Variants in SGCZ observed in about 807,000 individuals in gnomAD.
The protein encoded by SGCZ is zeta-sarcoglycan.
SGCZ carries 40 observed loss-of-function variants against 41.3 expected under a neutral mutation model. The ratio of observed to expected loss-of-function variants is 0.97; its 90% confidence interval spans 0.75 to 1.26. The LOEUF (loss-of-function observed/expected upper bound fraction) is 1.26. SGCZ is among the 50% of genes most tolerant of loss of function. The pLI, the probability that SGCZ is intolerant of heterozygous loss-of-function variation, is 0.00. For synonymous variants in SGCZ, 206 were observed against 137.5 expected, an observed-to-expected ratio of 1.50 and a Z score of -3.49; for missense variants, 552 against 369.8, an observed-to-expected ratio of 1.49 and a Z score of -4.04.
At chr8:14,232,833 G>A (rs368930221) in intron 4 of SGCZ, among the ~76,000 whole-genome samples, 16 of 152,004 alleles carry the variant, frequency 1.1e-4, no homozygotes, top group East Asian at 7.7e-4. Context: ...GGATACCTAT[G>A]ATGAAATACA....
At chr8:14,486,579 TGC>T (rs1801681444) in intron 2 of SGCZ, among the ~76,000 whole-genome samples, 1 of 152,212 alleles carries the variant, frequency 6.6e-6, no homozygotes, top group Non-Finnish European at 1.5e-5. Context: ...TGTGTGTGTG[TGC>T]GCGCGCGTGC....
At chr8:14,306,735 G>A (rs948019289) in intron 3 of SGCZ, among the ~76,000 whole-genome samples, 2 of 152,142 alleles carry the variant, frequency 1.3e-5, no homozygotes, top group Admixed American at 6.6e-5. Flanking sequence ...TGCATTATTT[G>A]TGGTCAATTT....
rs183863578 is a variant in SGCZ, at chr8:14,666,629, T to C, written c.40-111703A>G. Among the ~76,000 whole-genome samples the C allele has an allele frequency of 1.9e-3, 289 of 151,552 alleles. 1 individual carries two copies. The highest frequency in any genetic ancestry group is 6.9e-3 in the African/African-American group (284 of 41,314). On this transcript the variant is annotated intron_variant, in intron 1 of 7. Coordinates refer to ENST00000382080, the MANE Select transcript of SGCZ (RefSeq NM_139167.4). ...TGGAACTGAGAAGGAGAGCACAAGT[T>C]ATTTTCTCAGTACCCTAATAGAGAG...
At chr8:14,484,614 T>C (rs1801624014) in intron 2 of SGCZ, among the ~76,000 whole-genome samples, 1 of 152,166 alleles carries the variant, frequency 6.6e-6, no homozygotes, top group Non-Finnish European at 1.5e-5. Context: ...TGTTCCGTTT[T>C]TGCTGTGGTT....
At chr8:14,197,711 A>G (rs973015499) in intron 4 of SGCZ, among the ~76,000 whole-genome samples, 1 of 152,108 alleles carries the variant, frequency 6.6e-6, no homozygotes, top group Non-Finnish European at 1.5e-5. Context: ...ATCATATTTA[A>G]TATTCAAAAC....
intron 1 of SGCZ, among the ~76,000 whole-genome samples, chr8:15,056,684 A>T (rs1360317542): frequency 6.6e-6 from 1 of 152,186 alleles, no homozygotes; most frequent in African/African-American, 2.4e-5. Flanking sequence ...AGCTGGCTAA[A>T]GGAGATTTTG....
chr8:14,891,329 A>G (rs1186407573), intron 1 of SGCZ, among the ~76,000 whole-genome samples: 2 of 152,222 alleles, frequency 1.3e-5, no homozygotes, highest in African/African-American at 4.8e-5. Flanking sequence ...AAACATTAAC[A>G]GAAGTTTGAA....
chr8:15,095,138 GC>G (rs1806295376), intron 1 of SGCZ, among the ~76,000 whole-genome samples: 1 of 152,060 alleles, frequency 6.6e-6, no homozygotes, highest in Admixed American at 6.6e-5. Context: ...CACTCTTGTT[GC>G]CCAGGCTGGA....
chr8:14,693,385 A>G lies in SGCZ; in HGVS notation c.40-138459T>C, dbSNP rs551802742. On this transcript the variant is annotated intron_variant, in intron 1 of 7. Coordinates refer to ENST00000382080, the MANE Select transcript of SGCZ (RefSeq NM_139167.4). ...CGGCTCACTGCAACCTCTGTCTCCT[A>G]GGTTCAAGCGATTCTCCTGCCTTAG... Among the ~76,000 whole-genome samples, 3 of 150,152 alleles carry G rather than the reference A, an allele frequency of 2.0e-5. No homozygotes were observed. The East Asian group carries it at 6.0e-4, about 30-fold the overall frequency.
At chr8:14,271,154 A>C (rs1800045604) in intron 3 of SGCZ, among the ~76,000 whole-genome samples, 1 of 152,150 alleles carries the variant, frequency 6.6e-6, no homozygotes, top group African/African-American at 2.4e-5. Context: ...ATATGTAACT[A>C]ACCTGCACGT....
intron 2 of SGCZ, among the ~76,000 whole-genome samples, chr8:14,547,384 G>A (rs1030903693): frequency 1.3e-5 from 2 of 152,044 alleles, no homozygotes; most frequent in Admixed American, 6.6e-5. Context: ...TAACAATGAT[G>A]GTTGACAGCT....
At chr8:15,172,050 C>T (rs980290583) in intron 1 of SGCZ, among the ~76,000 whole-genome samples, 1 of 151,254 alleles carries the variant, frequency 6.6e-6, no homozygotes, top group Non-Finnish European at 1.5e-5. Flanking sequence ...GTGAAAAATG[C>T]CAATTTCTAC....
At chr8:14,863,211 G>T (rs1450606067) in intron 1 of SGCZ, among the ~76,000 whole-genome samples, 1 of 152,138 alleles carries the variant, frequency 6.6e-6, no homozygotes, top group African/African-American at 2.4e-5. Context: ...GCAGCTGTCC[G>T]TACTGATAGC....
intron 1 of SGCZ, among the ~76,000 whole-genome samples, chr8:14,765,405 C>T (rs933107387): frequency 1.3e-5 from 2 of 152,160 alleles, no homozygotes; most frequent in Non-Finnish European, 2.9e-5. Flanking sequence ...CTTATTTTCT[C>T]ATATGCTATA....
At chr8:14,770,261 C>A (rs1292571039) in intron 1 of SGCZ, among the ~76,000 whole-genome samples, 1 of 151,446 alleles carries the variant, frequency 6.6e-6, no homozygotes, top group African/African-American at 2.4e-5. Context: ...ACTAGTAGTG[C>A]CAAGACAGAC....
chr8:14,367,736 C>G (rs1367309895), intron 2 of SGCZ, among the ~76,000 whole-genome samples: 1 of 152,078 alleles, frequency 6.6e-6, no homozygotes, highest in African/African-American at 2.4e-5. Context: ...AAACCACCCC[C>G]ATAAACCAGT....
At chr8:14,650,344 T>C (rs1201816746) in intron 1 of SGCZ, among the ~76,000 whole-genome samples, 1 of 152,068 alleles carries the variant, frequency 6.6e-6, no homozygotes, top group Non-Finnish European at 1.5e-5. Context: ...AAGTGGATGA[T>C]GTTTTTTAAA....
chr8:14,157,115 CA>C (rs1433587737), intron 5 of SGCZ, among the ~76,000 whole-genome samples: 1 of 151,850 alleles, frequency 6.6e-6, no homozygotes, highest in Non-Finnish European at 1.5e-5. Context: ...GGCATCATGA[CA>C]AACATATAAG....
intron 1 of SGCZ, among the ~76,000 whole-genome samples, chr8:15,140,175 C>A (rs548803888): frequency 6.6e-6 from 1 of 152,108 alleles, no homozygotes; most frequent in Admixed American, 6.5e-5. Flanking sequence ...CAGGTGTGCA[C>A]CACCATGGTT....
Sources: allele counts gnomAD v4.1 joint callset (sites outside exome capture counted in the v4.1 genomes callset), GRCh38; gene constraint gnomAD v4.1.1; transcripts MANE v1.5; gene names NCBI Gene and HGNC (gene_info 2026-07-23, HGNC 2026-07-21).